Variants in CDKAL1 observed in about 807,000 individuals in gnomAD.
CDKAL1 encodes the protein threonylcarbamoyladenosine tRNA methylthiotransferase.
A neutral mutation model predicts 68.2 loss-of-function variants in CDKAL1; 32 were observed. The ratio of observed to expected loss-of-function variants is 0.47; its 90% CI spans 0.35 to 0.63. The LOEUF is 0.63. Among genes scored for constraint, CDKAL1 ranks in the 30% least tolerant of loss-of-function variants. The pLI is 0.00. For synonymous variants in CDKAL1, 234 were observed against 244.3 expected (o/e 0.96, Z 0.39); for missense variants, 606 against 696.7 (o/e 0.87, Z 1.47).
chr6:21,113,578 C>T (rs1042055999), intron 13 of CDKAL1, among the ~76,000 whole-genome samples: 2 of 152,092 alleles, frequency 1.3e-5, no homozygotes, highest in Admixed American at 1.3e-4. Flanking sequence ...TCTCAGCTCA[C>T]CGCAACCTCT....
chr6:20,827,136 G>A lies in CDKAL1; in HGVS notation c.639-18939G>A, dbSNP rs79004378. 5.0e-3 allele frequency among the ~76,000 whole-genome samples: 758 copies of A among 152,302 alleles called. 5 individuals are homozygous for A. The highest frequency in any genetic ancestry group is 0.017 in the African/African-American group (695 of 41,590). On this transcript the variant is annotated intron_variant, in intron 8 of 15. Transcript: ENST00000274695. ...TTTATTTCCCCAATATGTTATGACA[G>A]GTGGTATGTGTAATGGTTAAGAGCA...
intron 10 of CDKAL1, among the ~76,000 whole-genome samples, chr6:20,983,315 A>T (rs1470652986): frequency 6.6e-6 from 1 of 152,172 alleles, no homozygotes; most frequent in Non-Finnish European, 1.5e-5. Context: ...AGACTTTTTT[A>T]AAAAACCCAC....
chr6:20,599,804 T>C (rs1048444504), intron 4 of CDKAL1, among the ~76,000 whole-genome samples: 2 of 152,194 alleles, frequency 1.3e-5, no homozygotes, highest in African/African-American at 4.8e-5. Flanking sequence ...TAAGGTATAC[T>C]GAGCAAAATG....
At chr6:20,842,753 C>G (rs1269069132) in intron 8 of CDKAL1, among the ~76,000 whole-genome samples, 1 of 152,132 alleles carries the variant, frequency 6.6e-6, no homozygotes, top group Non-Finnish European at 1.5e-5. Flanking sequence ...ATCGCTTGAA[C>G]CCGGGAGGCA....
At chr6:20,561,240 G>C (rs1331119865) in intron 4 of CDKAL1, among the ~76,000 whole-genome samples, 1 of 151,728 alleles carries the variant, frequency 6.6e-6, no homozygotes, top group Non-Finnish European at 1.5e-5. Flanking sequence ...TCAGGAGTTC[G>C]AGACCAGCCT....
At chr6:20,942,453 C>T (rs561391850) in intron 9 of CDKAL1, among the ~76,000 whole-genome samples, 73 of 149,252 alleles carry the variant, frequency 4.9e-4, no homozygotes, top group Non-Finnish European at 8.0e-4. Context: ...CTGCAACCTT[C>T]CTCTCCTGGG....
At chr6:20,913,761 G>A (rs2150630163) in intron 9 of CDKAL1, among the ~76,000 whole-genome samples, 1 of 152,274 alleles carries the variant, frequency 6.6e-6, no homozygotes, top group East Asian at 1.9e-4. Flanking sequence ...CAGAAGGATT[G>A]ATTAAGGTCA....
chr6:20,689,234 G>C (rs1365459019), intron 5 of CDKAL1, among the ~76,000 whole-genome samples: 3 of 152,170 alleles, frequency 2.0e-5, no homozygotes, highest in Non-Finnish European at 4.4e-5. Flanking sequence ...AGCTCCTGGA[G>C]GTAAAAATTC....
chr6:21,208,828 C>T (rs981986807), intron 15 of CDKAL1, among the ~76,000 whole-genome samples: 5 of 152,088 alleles, frequency 3.3e-5, no homozygotes, highest in African/African-American at 9.7e-5. Flanking sequence ...TTTTATTGAC[C>T]GTTGCAGCTG....
Position 20,753,953 on chromosome 6 carries a change from C to CTGTG in CDKAL1, c.469-4639_469-4638insGTGT, listed in dbSNP as rs1256988409. ...CATTTTCACCAACACTCGTTATTATCTGTATGTGTGTGTGTGTGTGTGTGT... is the reference window on the plus strand; with the variant it reads ...CATTTTCACCAACACTCGTTATTATCTGTGTGTATGTGTGTGTGTGTGTGTGTGT... On this transcript the variant is annotated intron_variant, in intron 6 of 15. Transcript: ENST00000274695. Among the ~76,000 whole-genome samples the CTGTG allele has an allele frequency of 3.7e-4, 42 of 113,760 alleles. 1 individual carries two copies. The highest frequency in any genetic ancestry group is 3.1e-3 in the Admixed American group (35 of 11,114). 74.6% of individuals were successfully genotyped at this position (113,760 alleles called of 152,430 possible).
intron 9 of CDKAL1, among the ~76,000 whole-genome samples, chr6:20,901,215 G>A (rs962744656): frequency 3.3e-5 from 5 of 152,118 alleles, no homozygotes; most frequent in East Asian, 1.9e-4. Flanking sequence ...GTATTTCTGC[G>A]ACTGTTGCCT....
chr6:20,971,379 T>C (rs1253550795), intron 10 of CDKAL1, among the ~76,000 whole-genome samples: 4 of 152,208 alleles, frequency 2.6e-5, no homozygotes, highest in African/African-American at 9.6e-5. Flanking sequence ...CATCAGGTGA[T>C]TGGACATTTG....
At chr6:20,587,134 G>A (rs969568094) in intron 4 of CDKAL1, among the ~76,000 whole-genome samples, 10 of 151,602 alleles carry the variant, frequency 6.6e-5, no homozygotes, top group East Asian at 3.9e-4. Flanking sequence ...TTACAGGCGC[G>A]TGCCACCACG....
intron 11 of CDKAL1, among the ~76,000 whole-genome samples, chr6:21,021,708 A>T (rs1262042918): frequency 1.3e-5 from 2 of 152,206 alleles, no homozygotes; most frequent in African/African-American, 4.8e-5. Flanking sequence ...AATTAAAGAT[A>T]CATTTTTTCA....
At chr6:20,893,587 C>G (rs1761524367) in intron 9 of CDKAL1, among the ~76,000 whole-genome samples, 3 of 152,076 alleles carry the variant, frequency 2.0e-5, no homozygotes, top group South Asian at 2.1e-4. Flanking sequence ...GTTTCTAAGG[C>G]TTTCTATCTG....
At chr6:21,120,418 G>A (rs905637002) in intron 13 of CDKAL1, among the ~76,000 whole-genome samples, 2 of 152,184 alleles carry the variant, frequency 1.3e-5, no homozygotes, top group Non-Finnish European at 2.9e-5. Context: ...GAATGTTCCA[G>A]TAGTAATAAC....
At chr6:21,140,450 C>CT (rs1237595272) in intron 13 of CDKAL1, among the ~76,000 whole-genome samples, 1 of 152,188 alleles carries the variant, frequency 6.6e-6, no homozygotes, top group Admixed American at 6.5e-5. Context: ...TTGGGCATCC[C>CT]TTTATGATAA....
intron 8 of CDKAL1, among the ~76,000 whole-genome samples, chr6:20,793,584 GTTTATCAAATAA>G (rs1284062195): frequency 1.3e-5 from 2 of 151,806 alleles, no homozygotes; most frequent in African/African-American, 2.4e-5. Flanking sequence ...TCAAATGATT[GTTTATCAAATAA>G]TTTATCAAAT....
At chr6:21,086,050 T>G (rs956678199) in intron 12 of CDKAL1, among the ~76,000 whole-genome samples, 1 of 152,218 alleles carries the variant, frequency 6.6e-6, no homozygotes, top group African/African-American at 2.4e-5. Context: ...ACATAGACCT[T>G]GTGTAGTGCT....
Sources: gnomAD v4.1 joint callset for allele counts (sites outside exome capture counted in the v4.1 genomes callset) on GRCh38, gnomAD v4.1.1 for gene constraint, MANE v1.5 for transcripts, NCBI Gene and HGNC (gene_info 2026-07-23, HGNC 2026-07-21) for gene names.